Variants in NCKAP5 observed in about 807,000 individuals in gnomAD.
NCKAP5 encodes the protein NCK associated protein 5, also known as nck-associated protein 5.
Under a neutral mutation model 167.0 loss-of-function variants are expected in NCKAP5, and 92 were observed. The observed-to-expected ratio is 0.55, with a 90% CI of 0.47 to 0.66. The LOEUF is 0.66. NCKAP5 is among the 30% of genes least tolerant of loss of function. The pLI is 0.00. For synonymous variants in NCKAP5, 891 were observed against 877.4 expected (o/e 1.02, Z -0.27); for missense variants, 2,378 against 2,315.0 (o/e 1.03, Z -0.56).
the NCKAP5 span, among the ~76,000 whole-genome samples, chr2:133,659,433 G>A: frequency 0.026 from 4,019 of 152,134 alleles, 180 homozygotes; most frequent in African/African-American, 0.091. Context: ...TGCACTAAGC[G>A]AAGAACTTTT....
intron 6 of NCKAP5, among the ~76,000 whole-genome samples, chr2:133,073,505 T>G (rs2080492154): frequency 6.6e-6 from 1 of 152,198 alleles, no homozygotes; most frequent in African/African-American, 2.4e-5. Flanking sequence ...TGGGCCAGTC[T>G]GAACAGGACC....
chr2:133,611,352 C>G, the NCKAP5 span, among the ~76,000 whole-genome samples: 4 of 152,108 alleles, frequency 2.6e-5, no homozygotes, highest in African/African-American at 9.7e-5. Context: ...CATAGTCCTC[C>G]ACGGTGATAC....
chr2:132,829,139 T>C (rs1358043243), intron 11 of NCKAP5, among the ~76,000 whole-genome samples: 1 of 152,226 alleles, frequency 6.6e-6, no homozygotes, highest in African/African-American at 2.4e-5. Context: ...GTTGTATTTA[T>C]TGAATATTAG....
intron 3 of NCKAP5, among the ~76,000 whole-genome samples, chr2:133,482,187 T>C (rs868203771): frequency 9.9e-5 from 15 of 152,190 alleles, no homozygotes; most frequent in African/African-American, 3.6e-4. Flanking sequence ...TAGTATTACA[T>C]TGTGTATATA....
chr2:132,800,403 T>C (rs995030054), intron 11 of NCKAP5, among the ~76,000 whole-genome samples: 1 of 152,206 alleles, frequency 6.6e-6, no homozygotes, highest in Non-Finnish European at 1.5e-5. Flanking sequence ...GACTACTCAG[T>C]ATAGGTTTGA....
In NCKAP5 at chr2:132,963,795, C is replaced by T. The variant is rs369574096; in HGVS notation, c.504G>A (p.Ser168=). The T allele has an allele frequency of 1.3e-4, 212 of 1,613,816 alleles. No homozygotes were observed. Among genetic ancestry groups the T allele is most frequent in the Non-Finnish European group, 1.6e-4 (186 of 1,179,876 alleles). The part of the protein sequence containing the change: ...EDLHMVVDED[S]RSESSSTDEG... ...CATCTGTACTGCTGCTTTCACTCCT[C>T]GAATCCTCATCAACCACCATGTGAA... Residue 168 remains serine (S), a synonymous_variant, in exon 8 of 20, where the codon TCG becomes TCA. Transcript: ENST00000409261.
intron 4 of NCKAP5, among the ~76,000 whole-genome samples, chr2:133,273,812 G>C (rs967703649): frequency 6.6e-6 from 1 of 151,040 alleles, no homozygotes. Context: ...AAAAATTTGG[G>C]GGAAGATAAA....
chr2:132,915,072 A>T (rs1334819576), intron 8 of NCKAP5, among the ~76,000 whole-genome samples: 1 of 152,010 alleles, frequency 6.6e-6, no homozygotes, highest in Non-Finnish European at 1.5e-5. Context: ...AAATAATCTA[A>T]ATGTTTATTT....
chr2:133,286,852 T>G (rs2150494719), intron 4 of NCKAP5, among the ~76,000 whole-genome samples: 1 of 152,248 alleles, frequency 6.6e-6, no homozygotes, highest in African/African-American at 2.4e-5. Flanking sequence ...TTAACAGGAA[T>G]GGTACACAGA....
intron 4 of NCKAP5, among the ~76,000 whole-genome samples, chr2:133,290,619 C>G (rs536233777): frequency 1.3e-4 from 20 of 151,436 alleles, no homozygotes; most frequent in Middle Eastern, 3.4e-3. Context: ...TTTTAAGCCA[C>G]TTAGACAAAT....
At chr2:133,084,288 T>C (rs995170181) in intron 6 of NCKAP5, among the ~76,000 whole-genome samples, 1 of 152,166 alleles carries the variant, frequency 6.6e-6, no homozygotes, top group Admixed American at 6.6e-5. Context: ...CAGTTTCATC[T>C]TGGGACCTGC....
chr2:133,195,542 G>A (rs1261801055), intron 5 of NCKAP5, among the ~76,000 whole-genome samples: 1 of 152,128 alleles, frequency 6.6e-6, no homozygotes, highest in Non-Finnish European at 1.5e-5. Context: ...AAATACTGAA[G>A]AGGATATTTT....
At chr2:133,423,390 A>AT (rs1689602728) in intron 3 of NCKAP5, among the ~76,000 whole-genome samples, 1 of 152,192 alleles carries the variant, frequency 6.6e-6, no homozygotes, top group Non-Finnish European at 1.5e-5. Context: ...TTCGCATTGA[A>AT]TGTTGAATCG....
chr2:132,793,929 C>T lies in NCKAP5; in HGVS notation c.909+2699G>A, dbSNP rs193123336. 2.3e-4 allele frequency among the ~76,000 whole-genome samples: 35 copies of T among 152,106 alleles called. No individual in the cohort carries two copies. The East Asian group carries it at 2.9e-3, about 13-fold the overall frequency. ...GCTTTTTTTCCCCTACAGTTTCCTTCGTCAGCATGTGATTATCACATAGGA... is the reference window on the plus strand; with the variant it reads ...GCTTTTTTTCCCCTACAGTTTCCTTTGTCAGCATGTGATTATCACATAGGA... On this transcript the variant is annotated intron_variant, in intron 12 of 19. Transcript: ENST00000409261.
chr2:132,683,351 C>T (rs187331594), intron 19 of NCKAP5, among the ~76,000 whole-genome samples: 1 of 152,202 alleles, frequency 6.6e-6, no homozygotes. Flanking sequence ...ATCAAGAAAC[C>T]TCTTGGATTA....
the NCKAP5 span, among the ~76,000 whole-genome samples, chr2:133,615,092 C>T: frequency 6.6e-6 from 1 of 151,076 alleles, no homozygotes; most frequent in Non-Finnish European, 1.5e-5. Flanking sequence ...TACAGACAAG[C>T]AAATGCTGAG....
chr2:133,292,137 A>T (rs535357029), intron 4 of NCKAP5, among the ~76,000 whole-genome samples: 65 of 152,306 alleles, frequency 4.3e-4, no homozygotes, highest in African/African-American at 1.5e-3. Flanking sequence ...TTTTTAATCT[A>T]GAGTTACCCA....
intron 17 of NCKAP5, among the ~76,000 whole-genome samples, chr2:132,731,241 GACTC>G (rs1690978833): frequency 6.6e-6 from 1 of 152,198 alleles, no homozygotes; most frequent in African/African-American, 2.4e-5. Context: ...TCAATGGGAA[GACTC>G]ACTCTATTCT....
At position 132,937,857 on chromosome 2, in the gene NCKAP5, G is replaced by A. The variant is rs117507411; in HGVS notation, c.579+25863C>T. Among the ~76,000 whole-genome samples, 807 of 152,306 alleles carry A rather than the reference G, an allele frequency of 5.3e-3. 12 individuals carry two copies. The highest frequency in any genetic ancestry group is 0.052 in the East Asian group (272 of 5,184). On this transcript the variant is annotated intron_variant, in intron 8 of 19. Coordinates refer to ENST00000409261, the MANE Select transcript of NCKAP5 (RefSeq NM_207363.3). ...ACTACTCTCTAGGGAGGAAAACAGC[G>A]AGAGGAGCAGGAAATGCCAGGTTTC... is the stretch of plus-strand genomic sequence containing the variant.
Sources: allele counts gnomAD v4.1 joint callset (sites outside exome capture counted in the v4.1 genomes callset), GRCh38; gene constraint gnomAD v4.1.1; transcripts MANE v1.5; gene names NCBI Gene and HGNC (gene_info 2026-07-23, HGNC 2026-07-21).